The following NRIP3 variants were observed in gnomAD, a reference collection of about 807,000 sequenced individuals.
NRIP3 encodes nuclear receptor-interacting protein 3.
Under a neutral mutation model 29.0 loss-of-function variants are expected in NRIP3, and 31 were observed. The ratio of observed to expected loss-of-function variants is 1.07; its 90% CI spans 0.80 to 1.44. The LOEUF is 1.44. NRIP3 is among the 40% of genes most tolerant of loss of function. The pLI is 0.00. For synonymous variants in NRIP3, 131 were observed against 118.3 expected, an observed-to-expected ratio of 1.11 and a Z score of -0.70; for missense variants, 314 against 297.9, an observed-to-expected ratio of 1.05 and a Z score of -0.40.
intron 1 of NRIP3, among the ~76,000 whole-genome samples, chr11:8,991,067 C>T (rs1320170879): frequency 6.6e-6 from 1 of 152,084 alleles, no homozygotes; most frequent in Non-Finnish European, 1.5e-5. Flanking sequence ...TTTGGGAGGC[C>T]AAGGCGGGTG....
chr11:8,983,660 A>T, intron 6 of NRIP3, 100 bp from the exon 7 acceptor site: 1 of 1,134,100 alleles, frequency 8.8e-7, no homozygotes. Flanking sequence ...TCATTTCCCT[A>T]CCACTCTGTG....
At chr11:8,988,309 T>C in intron 1 of NRIP3, 27 bp from the exon 2 acceptor site, 3 of 1,601,340 alleles carry the variant, frequency 1.9e-6, no homozygotes, top group Non-Finnish European at 2.6e-6. Flanking sequence ...CAGAGACTTC[T>C]TAGTGACAGG....
intron 1 of NRIP3, among the ~76,000 whole-genome samples, chr11:9,000,947 T>C (rs1589965857): frequency 1.3e-5 from 2 of 152,066 alleles, no homozygotes; most frequent in Non-Finnish European, 2.9e-5. Flanking sequence ...TGTGCACCTG[T>C]AATCCTAGCT....
chr11:8,987,431 C>T, intron 3 of NRIP3, 117 bp downstream of exon 3: 1 of 786,040 alleles, frequency 1.3e-6, no homozygotes, highest in Non-Finnish European at 2.3e-6. Context: ...GAGATCTGAA[C>T]TCTGCATACT....
chr11:9,002,050 A>T (rs1854811089), intron 1 of NRIP3, among the ~76,000 whole-genome samples: 1 of 152,236 alleles, frequency 6.6e-6, no homozygotes, highest in Admixed American at 6.5e-5. Flanking sequence ...AGAGTCAGAA[A>T]AGCGGATGGA....
chr11:8,992,659 C>A (rs1022047753), intron 1 of NRIP3, among the ~76,000 whole-genome samples: 3 of 152,092 alleles, frequency 2.0e-5, no homozygotes, highest in African/African-American at 7.2e-5. Flanking sequence ...GTCTGTAATC[C>A]CAGCACTTTG....
chr11:8,993,682 G>A (rs899575705), intron 1 of NRIP3, among the ~76,000 whole-genome samples: 8 of 151,916 alleles, frequency 5.3e-5, no homozygotes, highest in South Asian at 4.2e-4. Context: ...GGTAGTGCAC[G>A]CCTGTAGCCC....
At chr11:9,000,139 CTATAAACCT>C (rs1349449775) in intron 1 of NRIP3, among the ~76,000 whole-genome samples, 2 of 152,160 alleles carry the variant, frequency 1.3e-5, no homozygotes, top group African/African-American at 4.8e-5. Flanking sequence ...TGCCCCCAAC[CTATAAACCT>C]GTTTATAATG....
Position 8,983,056 on chromosome 11 carries a change from C to T in NRIP3, c.*489G>A. On this transcript the variant is annotated 3_prime_UTR_variant, in exon 7 of 7. Coordinates refer to ENST00000309166, the MANE Select transcript of NRIP3 (RefSeq NM_020645.3). ...ATGTCCCTGGGCTCTTTCACATAAT[C>T]CATACTTGAGAAATCAATGAATCAA... is the stretch of plus-strand genomic sequence containing the variant. 1 of 450,244 alleles carries T rather than the reference C, an allele frequency of 2.2e-6. No homozygotes were observed. The highest frequency in any genetic ancestry group is 4.4e-6 in the Non-Finnish European group (1 of 225,492). 27.9% of individuals were successfully genotyped at this position (450,244 alleles called of 1,614,324 possible). A position where few individuals can be genotyped will look rare whatever the true frequency, so the allele number is the denominator to read the frequency against.
rs565978920 is a variant in NRIP3, at chr11:8,998,992, A to G, written c.174+4770T>C. On this transcript the variant is annotated intron_variant, in intron 1 of 6. Coordinates refer to ENST00000309166, the MANE Select transcript of NRIP3 (RefSeq NM_020645.3). ...TAATTTTTTGTATTTTTTAGTAGAG[A>G]TGGGGTTTCACCGTGTTTGCCAGGA... 2.6e-5 allele frequency among the ~76,000 whole-genome samples: 4 copies of G among 151,676 alleles called. No homozygotes were observed. In the South Asian group the frequency reaches 8.3e-4, roughly 32 times the overall value.
At chr11:8,998,645 G>A (rs1854747827) in intron 1 of NRIP3, among the ~76,000 whole-genome samples, 1 of 152,090 alleles carries the variant, frequency 6.6e-6, no homozygotes, top group South Asian at 2.1e-4. Context: ...GACTCCTCTG[G>A]CACATCTGAC....
chr11:8,994,614 C>T (rs1215671803), intron 1 of NRIP3, among the ~76,000 whole-genome samples: 2 of 152,192 alleles, frequency 1.3e-5, no homozygotes, highest in Non-Finnish European at 2.9e-5. Flanking sequence ...TATAAGCATA[C>T]CTTAACTATT....
intron 1 of NRIP3, among the ~76,000 whole-genome samples, chr11:8,997,904 G>A (rs1180993024): frequency 2.6e-5 from 4 of 152,184 alleles, no homozygotes; most frequent in Admixed American, 2.0e-4. Context: ...GAAAACAGAG[G>A]AAATGGTAGG....
chr11:8,994,351 C>T (rs762810692), intron 1 of NRIP3, among the ~76,000 whole-genome samples: 5 of 152,172 alleles, frequency 3.3e-5, no homozygotes, highest in Non-Finnish European at 5.9e-5. Context: ...CTCTAACAGA[C>T]ATTGGGAGAG....
chr11:8,997,086 A>G (rs1483004964), intron 1 of NRIP3, among the ~76,000 whole-genome samples: 1 of 151,538 alleles, frequency 6.6e-6, no homozygotes. Flanking sequence ...TCAAAAAAAG[A>G]AAAAAGGAGG....
intron 4 of NRIP3, 98 bp from the exon 5 acceptor site, chr11:8,984,222 A>C: frequency 2.6e-6 from 2 of 766,260 alleles, no homozygotes; most frequent in East Asian, 2.4e-5. Flanking sequence ...ATCCAATAAC[A>C]TCCAATAAAC....
intron 1 of NRIP3, among the ~76,000 whole-genome samples, chr11:8,988,635 G>A (rs973516968): frequency 6.6e-6 from 1 of 152,198 alleles, no homozygotes; most frequent in Non-Finnish European, 1.5e-5. Context: ...GGGAAAAGTG[G>A]TCTTAGTCTA....
At chr11:8,994,620 C>G (rs946854578) in intron 1 of NRIP3, among the ~76,000 whole-genome samples, 1 of 152,216 alleles carries the variant, frequency 6.6e-6, no homozygotes, top group Non-Finnish European at 1.5e-5. Flanking sequence ...CATACCTTAA[C>G]TATTTACTAA....
intron 1 of NRIP3, among the ~76,000 whole-genome samples, chr11:8,999,924 T>C (rs1165370990): frequency 6.6e-6 from 1 of 152,196 alleles, no homozygotes; most frequent in Admixed American, 6.5e-5. Context: ...ATTTTCTCCA[T>C]AGAAAATATT....
Sources: allele counts gnomAD v4.1 joint callset (sites outside exome capture counted in the v4.1 genomes callset), GRCh38; gene constraint gnomAD v4.1.1; transcripts MANE v1.5; gene names NCBI Gene and HGNC (gene_info 2026-07-23, HGNC 2026-07-21).